The following SCHIP1 variants were observed in gnomAD, a reference collection of about 807,000 sequenced individuals.
The protein encoded by SCHIP1 is schwannomin interacting protein 1.
A neutral mutation model predicts 29.7 loss-of-function variants in SCHIP1; 8 were observed. The ratio of observed to expected loss-of-function variants is 0.27; its 90% CI spans 0.16 to 0.49. The LOEUF (loss-of-function observed/expected upper bound fraction) is 0.49. SCHIP1 is among the 20% of genes least tolerant of loss of function. SCHIP1 has a pLI of 0.99. For missense variants in SCHIP1, 193 were observed against 294.6 expected, an observed-to-expected ratio of 0.66 and a Z score of 2.52; for synonymous variants, 76 against 94.9, an observed-to-expected ratio of 0.80 and a Z score of 1.16.
intron 2 of SCHIP1, among the ~76,000 whole-genome samples, chr3:159,883,444 A>G (rs1716646333): frequency 6.6e-6 from 1 of 152,078 alleles, no homozygotes; most frequent in African/African-American, 2.4e-5. Context: ...AGGGTCCTGG[A>G]ACAGGGGTTA....
At chr3:159,410,823 C>A in the SCHIP1 span, among the ~76,000 whole-genome samples, 1 of 152,088 alleles carries the variant, frequency 6.6e-6, no homozygotes, top group Admixed American at 6.5e-5. Flanking sequence ...CATCTTCACT[C>A]CCATGTTAAT....
chr3:159,711,614 G>A, the SCHIP1 span, among the ~76,000 whole-genome samples: 1 of 152,112 alleles, frequency 6.6e-6, no homozygotes, highest in Non-Finnish European at 1.5e-5. Context: ...GTAACCTAGA[G>A]CCTATTGCTC....
At chr3:159,331,841 T>C in the SCHIP1 span, among the ~76,000 whole-genome samples, 1 of 152,164 alleles carries the variant, frequency 6.6e-6, no homozygotes, top group South Asian at 2.1e-4. Context: ...CATTCTCTGC[T>C]TAAAGTCATT....
At chr3:159,348,808 T>C in the SCHIP1 span, among the ~76,000 whole-genome samples, 1 of 152,300 alleles carries the variant, frequency 6.6e-6, no homozygotes, top group South Asian at 2.1e-4. Flanking sequence ...GCTATGCAAT[T>C]GCAAGGAAAT....
chr3:159,444,352 G>C, the SCHIP1 span, among the ~76,000 whole-genome samples: 1 of 152,080 alleles, frequency 6.6e-6, no homozygotes, highest in African/African-American at 2.4e-5. Flanking sequence ...GCATGGACCT[G>C]CAGTTAGAGA....
the SCHIP1 span, among the ~76,000 whole-genome samples, chr3:159,562,089 G>T: frequency 1.3e-5 from 2 of 152,230 alleles, no homozygotes; most frequent in South Asian, 4.2e-4. Context: ...TTAAGCCTCT[G>T]AATGCTCCTT....
the SCHIP1 span, among the ~76,000 whole-genome samples, chr3:159,301,377 T>A: frequency 3.4e-5 from 5 of 146,376 alleles, no homozygotes; most frequent in Non-Finnish European, 5.9e-5. Flanking sequence ...TTAACACGAC[T>A]TTTTTTTCTT....
the SCHIP1 span, among the ~76,000 whole-genome samples, chr3:159,528,304 G>T: frequency 1.6e-4 from 25 of 152,182 alleles, no homozygotes; most frequent in Admixed American, 3.9e-4. Context: ...AAATAGCCTT[G>T]CTGAGAATAT....
chr3:159,622,260 G>A, the SCHIP1 span, among the ~76,000 whole-genome samples: 2 of 152,210 alleles, frequency 1.3e-5, no homozygotes, highest in African/African-American at 4.8e-5. Flanking sequence ...ATGGGGCCAT[G>A]TGAGGTGCAA....
the SCHIP1 span, among the ~76,000 whole-genome samples, chr3:159,477,759 G>A: frequency 2.6e-5 from 4 of 151,682 alleles, no homozygotes; most frequent in South Asian, 2.1e-4. Context: ...TTCCTTTGCT[G>A]TGCAAAAACT....
chr3:159,865,637 T>A (rs940734497), intron 1 of SCHIP1, among the ~76,000 whole-genome samples: 3 of 152,234 alleles, frequency 2.0e-5, no homozygotes, highest in Admixed American at 6.5e-5. Flanking sequence ...AGGTGCTATG[T>A]CTGTCTTGTC....
At chr3:159,302,668 G>A in the SCHIP1 span, among the ~76,000 whole-genome samples, 1 of 152,214 alleles carries the variant, frequency 6.6e-6, no homozygotes, top group African/African-American at 2.4e-5. Context: ...ATATTTGTGT[G>A]TGCATAATGT....
chr3:159,858,329 G>A (rs1713633331), intron 1 of SCHIP1, among the ~76,000 whole-genome samples: 1 of 152,136 alleles, frequency 6.6e-6, no homozygotes, highest in Non-Finnish European at 1.5e-5. Flanking sequence ...AGGAGTTAAC[G>A]TTGAAACACC....
chr3:159,805,350 A>G, the SCHIP1 span, among the ~76,000 whole-genome samples: 1 of 152,216 alleles, frequency 6.6e-6, no homozygotes, highest in Non-Finnish European at 1.5e-5. Flanking sequence ...GTCTGAGGAA[A>G]GCATCGGCTC....
At chr3:159,662,228 G>A in the SCHIP1 span, among the ~76,000 whole-genome samples, 1 of 152,158 alleles carries the variant, frequency 6.6e-6, no homozygotes, top group Non-Finnish European at 1.5e-5. Flanking sequence ...GACAATAGGG[G>A]AATGACACAG....
At chr3:159,488,684 TTC>T in the SCHIP1 span, among the ~76,000 whole-genome samples, 1 of 152,070 alleles carries the variant, frequency 6.6e-6, no homozygotes, top group East Asian at 1.9e-4. Context: ...AAAAAAGTCA[TTC>T]TGTCTTGTGC....
chr3:159,277,175 C>A, the SCHIP1 span, among the ~76,000 whole-genome samples: 3 of 152,144 alleles, frequency 2.0e-5, no homozygotes, highest in Non-Finnish European at 4.4e-5. Context: ...ACTTCTCCAC[C>A]GGTTTCATTT....
the SCHIP1 span, among the ~76,000 whole-genome samples, chr3:159,637,871 TAAATA>T: frequency 2.6e-5 from 4 of 152,134 alleles, no homozygotes; most frequent in African/African-American, 4.8e-5. Flanking sequence ...CCTGAGAGGG[TAAATA>T]AAATACTAAA....
At chr3:159,666,257 A>C in the SCHIP1 span, among the ~76,000 whole-genome samples, 1 of 152,170 alleles carries the variant, frequency 6.6e-6, no homozygotes, top group African/African-American at 2.4e-5. Context: ...GCAGCACATA[A>C]TCTGCACAGC....
Sources: gnomAD v4.1 joint callset for allele counts (sites outside exome capture counted in the v4.1 genomes callset) on GRCh38, gnomAD v4.1.1 for gene constraint, MANE v1.5 for transcripts, NCBI Gene and HGNC (gene_info 2026-07-23, HGNC 2026-07-21) for gene names.